Variants in NME7 observed in about 807,000 individuals in gnomAD.
NME7 encodes nucleoside diphosphate kinase 7.
NME7 carries 41 observed loss-of-function variants against 49.1 expected under a neutral mutation model. That is an observed-to-expected ratio of 0.83 (90% CI 0.65 to 1.08). The LOEUF is 1.08. NME7 is among the 50% of genes least tolerant of loss of function. The probability of loss-of-function intolerance (pLI) is 0.00; values close to 1 mark genes in which losing one functional copy is unlikely to be tolerated. For missense variants in NME7, 423 were observed against 463.4 expected, an observed-to-expected ratio of 0.91 and a Z score of 0.80; for synonymous variants, 139 against 150.6, an observed-to-expected ratio of 0.92 and a Z score of 0.56.
rs1462179423 is a variant in NME7, at chr1:169,260,510, G to A, written c.755-22823C>T. Among the ~76,000 whole-genome samples the A allele has an allele frequency of 4.6e-5, 6 of 130,066 alleles. 1 individual carries two copies. The highest frequency in any genetic ancestry group is 1.6e-4 in the African/African-American group (6 of 38,636). The allele number at this position is 130,066 out of a possible 152,430, so 85.3% of individuals were successfully genotyped here. A position where few individuals can be genotyped will look rare whatever the true frequency, so the allele number is the denominator to read the frequency against. On this transcript the variant is annotated intron_variant, in intron 7 of 11. Transcript: ENST00000367811. ...GTTTTCATGTTTTAAAACATATCTTGATAAAGTAACATCATGTGTTCTGAA... is the reference window on the plus strand; with the variant it reads ...GTTTTCATGTTTTAAAACATATCTTAATAAAGTAACATCATGTGTTCTGAA...
chr1:169,188,247 T>C (rs975475176), intron 10 of NME7, among the ~76,000 whole-genome samples: 9 of 152,174 alleles, frequency 5.9e-5, no homozygotes, highest in African/African-American at 1.9e-4. Context: ...CAAATGTCTA[T>C]AAGTATTTTA....
rs141207338 is a variant in NME7 at position 169,336,157 on chromosome 1, G to A, written c.4-11657C>T. The stretch of plus-strand genomic sequence containing the variant: ...TGAGTGTTACAGCTCTTAAGACAGC[G>A]CGTCCGGAGTTGTTCGTTCCTCCCG... On this transcript the variant is annotated intron_variant, in intron 1 of 11. Transcript: ENST00000367811. 3.6e-3 allele frequency among the ~76,000 whole-genome samples: 540 copies of A among 151,948 alleles called. 5 individuals carry two copies. The highest frequency in any genetic ancestry group is 0.012 in the African/African-American group (502 of 41,394).
rs867949595 is a variant in NME7, at chr1:169,274,909, C to T, written c.754+12394G>A. Among the ~76,000 whole-genome samples the T allele has an allele frequency of 6.0e-4, 80 of 133,306 alleles. 9 individuals are homozygous for T. The highest frequency in any genetic ancestry group is 1.9e-3 in the African/African-American group (73 of 39,400). 87.5% of individuals were successfully genotyped at this position (133,306 alleles called of 152,430 possible). On this transcript the variant is annotated intron_variant, in intron 7 of 11. Transcript: ENST00000367811. The stretch of plus-strand genomic sequence containing the variant: ...TTGAAGTCAGGTAGCGTGATGCCTC[C>T]AGCTTTGTTCTTTTGGCTTAGGATT...
intron 2 of NME7, among the ~76,000 whole-genome samples, chr1:169,323,830 TCA>T (rs1651949302): frequency 1.4e-5 from 2 of 147,166 alleles, no homozygotes; most frequent in African/African-American, 4.9e-5. Context: ...TAATCCCATT[TCA>T]GTCTTTTTTT....
At chr1:169,324,640 C>A (rs1651988087) in intron 1 of NME7, 140 bp from the exon 2 acceptor site, 1 of 591,654 alleles carries the variant, frequency 1.7e-6, no homozygotes, top group Non-Finnish European at 3.0e-6. Context: ...TGCTTTTCAA[C>A]AAAGTATCAG....
intron 1 of NME7, among the ~76,000 whole-genome samples, chr1:169,330,897 C>T (rs1320232953): frequency 1.3e-5 from 2 of 151,964 alleles, no homozygotes; most frequent in Non-Finnish European, 2.9e-5. Context: ...AATAAAGACT[C>T]CCAGTAAAGA....
intron 7 of NME7, among the ~76,000 whole-genome samples, chr1:169,245,585 G>A (rs1303742617): frequency 2.0e-5 from 3 of 152,202 alleles, no homozygotes; most frequent in African/African-American, 4.8e-5. Flanking sequence ...AAGAGTACAC[G>A]AACTAATAAA....
At chr1:169,358,545 A>ATAT (rs1414331434) in intron 1 of NME7, among the ~76,000 whole-genome samples, 8 of 152,088 alleles carry the variant, frequency 5.3e-5, no homozygotes, top group Admixed American at 5.2e-4. Flanking sequence ...GGCCAACTTA[A>ATAT]TATTCTTCAC....
chr1:169,164,015 C>T (rs1405627051), intron 11 of NME7, among the ~76,000 whole-genome samples: 1 of 150,836 alleles, frequency 6.6e-6, no homozygotes, highest in East Asian at 2.0e-4. Flanking sequence ...GAGGCTGAGG[C>T]AGGAGAATAG....
chr1:169,315,591 G>T (rs1179232702), intron 3 of NME7, among the ~76,000 whole-genome samples: 1 of 151,998 alleles, frequency 6.6e-6, no homozygotes, highest in Non-Finnish European at 1.5e-5. Flanking sequence ...AACACACATA[G>T]ATCATTAATA....
chr1:169,338,076 A>G (rs1652550824), intron 1 of NME7, among the ~76,000 whole-genome samples: 1 of 152,240 alleles, frequency 6.6e-6, no homozygotes, highest in Non-Finnish European at 1.5e-5. Context: ...TCATTAATAA[A>G]GGAAAACAAA....
At chr1:169,169,582 T>A in intron 10 of NME7, 28 bp from the exon 11 acceptor site, 1 of 1,575,004 alleles carries the variant, frequency 6.3e-7, no homozygotes, top group Non-Finnish European at 8.7e-7. Context: ...ACATATAGAT[T>A]AATGTTAGTC....
At chr1:169,150,456 G>A (rs550089935) in intron 11 of NME7, among the ~76,000 whole-genome samples, 16 of 152,184 alleles carry the variant, frequency 1.1e-4, no homozygotes, top group African/African-American at 3.9e-4. Flanking sequence ...AAAAGATCAA[G>A]AATTGGCCAA....
intron 11 of NME7, chr1:169,169,013 G>A (rs546857792): frequency 2.3e-4 from 97 of 426,316 alleles, no homozygotes; most frequent in Non-Finnish European, 3.3e-4. Flanking sequence ...ATAGTCACCT[G>A]ATATAAAAAC....
intron 3 of NME7, among the ~76,000 whole-genome samples, chr1:169,317,323 G>A (rs1373829836): frequency 6.6e-6 from 1 of 152,156 alleles, no homozygotes; most frequent in Non-Finnish European, 1.5e-5. Context: ...ACTGAGAATT[G>A]TAGAATGGAA....
At chr1:169,155,136 G>A (rs900773184) in intron 11 of NME7, among the ~76,000 whole-genome samples, 9 of 152,002 alleles carry the variant, frequency 5.9e-5, no homozygotes, top group African/African-American at 2.2e-4. Flanking sequence ...ACCACTCGCA[G>A]GACTCAACTA....
At chr1:169,139,773 A>G (rs1006258840) in intron 11 of NME7, among the ~76,000 whole-genome samples, 4 of 152,240 alleles carry the variant, frequency 2.6e-5, no homozygotes, top group Non-Finnish European at 1.5e-5. Context: ...TGTCAATTCC[A>G]GCTTATCAGA....
At chr1:169,242,879 T>C (rs1413285910) in intron 7 of NME7, among the ~76,000 whole-genome samples, 3 of 151,972 alleles carry the variant, frequency 2.0e-5, no homozygotes, top group African/African-American at 7.2e-5. Flanking sequence ...AACTTGTGTA[T>C]GAAAACTACA....
At chr1:169,326,389 C>T (rs1398547950) in intron 1 of NME7, among the ~76,000 whole-genome samples, 1 of 152,156 alleles carries the variant, frequency 6.6e-6, no homozygotes, top group Non-Finnish European at 1.5e-5. Flanking sequence ...TTAAGGCAGC[C>T]AGGATCTGAG....
Sources: gnomAD v4.1 joint callset for allele counts (sites outside exome capture counted in the v4.1 genomes callset) on GRCh38, gnomAD v4.1.1 for gene constraint, MANE v1.5 for transcripts, NCBI Gene and HGNC (gene_info 2026-07-23, HGNC 2026-07-21) for gene names.